The following EHMT2 variants were observed in gnomAD, a reference collection of about 807,000 sequenced individuals.
The protein encoded by EHMT2 is euchromatic histone lysine methyltransferase 2, also known as histone-lysine N-methyltransferase EHMT2.
Under a neutral mutation model 143.3 loss-of-function variants are expected in EHMT2, and 59 were observed. The observed-to-expected ratio is 0.41, with a 90% CI of 0.33 to 0.51. The LOEUF is 0.51. Ranked by LOEUF, EHMT2 falls within the 20% of genes least tolerant of loss-of-function variation. EHMT2 has a pLI of 0.18. For missense variants in EHMT2, 1,174 were observed against 1,645.9 expected (o/e 0.71, Z 4.96); for synonymous variants, 604 against 651.5 (o/e 0.93, Z 1.11).
At chr6:31,892,508 C>T in exon 7 of EHMT2, 1 of 1,612,986 alleles carries the variant, frequency 6.2e-7, no homozygotes, top group Non-Finnish European at 8.5e-7. Flanking sequence ...GACCCGGGGT[C>T]CCCTTTCGTC....
At chr6:31,891,702 A>G (rs1409254425) in intron 7 of EHMT2, among the ~76,000 whole-genome samples, 1 of 152,236 alleles carries the variant, frequency 6.6e-6, no homozygotes, top group African/African-American at 2.4e-5. Context: ...TATAAGATAA[A>G]ACCAGACAAA....
intron 7 of EHMT2, among the ~76,000 whole-genome samples, chr6:31,892,099 G>A (rs1459153949): frequency 3.9e-5 from 6 of 152,052 alleles, no homozygotes; most frequent in Admixed American, 6.6e-5. Context: ...AAAATTAGCC[G>A]GGCGTGGTGG....
exon 1 of EHMT2, chr6:31,897,684 T>C (rs1423880643): frequency 1.8e-6 from 2 of 1,112,696 alleles, no homozygotes; most frequent in African/African-American, 1.6e-5. Flanking sequence ...CCATCGCCGC[T>C]TGCGCTGGGG....
At chr6:31,886,461 A>G in intron 18 of EHMT2, 120 bp downstream of exon 18, 2 of 742,306 alleles carry the variant, frequency 2.7e-6, no homozygotes, top group Non-Finnish European at 4.5e-6. Context: ...GAAGAAAGCA[A>G]TGAGGACAGA....
chr6:31,886,673 C>A (rs745424549), exon 18 of EHMT2: 1 of 1,613,850 alleles, frequency 6.2e-7, no homozygotes, highest in African/African-American at 1.3e-5. Flanking sequence ...CAGGTGGAAC[C>A]GTCCTCCTCC....
In EHMT2 at chr6:31,880,855, CA is replaced by C; in HGVS notation, c.3277-8del. On this transcript the variant is annotated splice_polypyrimidine_tract_variant and splice_region_variant and intron_variant, in intron 26 of 27. Coordinates refer to ENST00000375537, the Ensembl canonical transcript of EHMT2. This position sits in a 1 kb window ranked among gnomAD's most constrained non-coding sequence, Gnocchi z 6.6. Reference sequence around the variant, plus strand: ...TGCAGTACACCTCTCCATCCTGGGGCAGGGGGATGGCACTCTTCACATCTCC... The same window carrying C: ...TGCAGTACACCTCTCCATCCTGGGGCGGGGGATGGCACTCTTCACATCTCC... 1 of 1,613,444 alleles carries C rather than the reference CA, an allele frequency of 6.2e-7. No individual in the cohort carries two copies. The highest frequency in any genetic ancestry group is 8.5e-7 in the Non-Finnish European group (1 of 1,179,874).
rs747118255 is a variant in EHMT2 at position 31,888,335 on chromosome 6, C to G, written c.1509+28G>C. 1 of 1,611,622 alleles carries G rather than the reference C, an allele frequency of 6.2e-7. No individual in the cohort carries two copies. Among genetic ancestry groups the G allele is most frequent in the Non-Finnish European group, 8.5e-7 (1 of 1,179,284 alleles). The stretch of plus-strand genomic sequence containing the variant: ...GGGGCCCCCTCTGCCACAGGGCATG[C>G]TACCTGTCTGCCCCACTGGTCACTC... On this transcript the variant is annotated intron_variant, in intron 12 of 27. Transcript: ENST00000375537. The surrounding 1 kb of genome is among the most constrained non-coding windows in gnomAD (Gnocchi z 7.4).
In EHMT2 at chr6:31,884,275, G is replaced by T; in HGVS notation, c.2771+117C>A. The T allele has an allele frequency of 7.9e-7, 1 of 1,260,594 alleles. No homozygotes were observed. Among genetic ancestry groups the T allele is most frequent in the East Asian group, 2.4e-5 (1 of 41,224 alleles). 78.1% of individuals were successfully genotyped at this position (1,260,594 alleles called of 1,614,324 possible). ...GGGAGGGGGCCTGTGGGTGGTTCTG[G>T]GGATTCAGTGGTGCATGGGGAGGGG... On this transcript the variant is annotated intron_variant, in intron 21 of 27. Transcript: ENST00000375537. This position sits in a 1 kb window ranked among gnomAD's most constrained non-coding sequence, Gnocchi z 7.3.
chr6:31,880,110 C>T lies in EHMT2; in HGVS notation c.3607G>A (p.Gly1203Ser), dbSNP rs563892777. 74 of 1,612,776 alleles carry T rather than the reference C, an allele frequency of 4.6e-5. No homozygotes were observed. In the Admixed American group the frequency reaches 7.0e-4, roughly 15 times the overall value. ...CATGTGTTGACAGGGGGCAGGGAGC[C>T]GAGCTCGGGCAGCAGCTCAGGGTGT... is the stretch of plus-strand genomic sequence containing the variant. Residue 1203 changes from glycine (G) to serine (S), a missense_variant, in exon 28 of 28, where the codon GGC becomes AGC. Coordinates refer to ENST00000375537, the Ensembl canonical transcript of EHMT2. The surrounding 1 kb of genome is among the most constrained non-coding windows in gnomAD (Gnocchi z 6.6).
At chr6:31,890,349 T>C (rs551670288) in intron 7 of EHMT2, among the ~76,000 whole-genome samples, 3 of 152,096 alleles carry the variant, frequency 2.0e-5, no homozygotes, top group African/African-American at 7.2e-5. Context: ...CTCCACCTCC[T>C]GGATTCAAGC....
rs145442809 is a variant in EHMT2 at position 31,884,432 on chromosome 6, C to G, written c.2731G>C (p.Val911Leu). The G allele has an allele frequency of 6.2e-7, 1 of 1,612,670 alleles. No individual in the cohort carries two copies. The highest frequency in any genetic ancestry group is 8.5e-7 in the Non-Finnish European group (1 of 1,180,004). The change falls in exon 21 of 28, where the codon GTG becomes CTG. Residue 911 changes from valine (V) to leucine (L), a missense_variant. Physicochemically the swap from Val to Leu is conservative, Grantham distance 32 (BLOSUM62 1). Transcript: ENST00000375537. The surrounding 1 kb of genome is among the most constrained non-coding windows in gnomAD (Gnocchi z 7.3). ...TCTGTGCGGATGGCCCGATTTCCCA[C>G]CCCAAGTCGGAGCTTGCGGTTGAGT...
In EHMT2 at chr6:31,888,485, T is replaced by C; in HGVS notation, c.1387A>G (p.Ile463Val). 6.2e-7 allele frequency: 1 copy of C among 1,612,758 alleles called. No homozygotes were observed. Among genetic ancestry groups the C allele is most frequent in the Non-Finnish European group, 8.5e-7 (1 of 1,179,770 alleles). Reference sequence around the variant, plus strand: ...GGCCTCATGGTCTCCCGCTTGAGGATGGCGGCATTGCAGCCTGACAGCTGT... The same window carrying C: ...GGCCTCATGGTCTCCCGCTTGAGGACGGCGGCATTGCAGCCTGACAGCTGT... The change falls in exon 12 of 28, where the codon ATC becomes GTC. Residue 463 changes from isoleucine to valine, a missense_variant. Physicochemically the swap from Ile to Val is conservative, Grantham distance 29. This residue lies in a region of EHMT2 where 608 missense variants were observed against 903.7 expected (regional missense o/e 0.67). Coordinates refer to ENST00000375537, the Ensembl canonical transcript of EHMT2. This position sits in a 1 kb window ranked among gnomAD's most constrained non-coding sequence, Gnocchi z 7.4.
At position 31,888,049 on chromosome 6, in the gene EHMT2, A is replaced by C. The variant is rs1023135083; in HGVS notation, c.1737T>G (p.Ser579=). 3.2e-6 allele frequency: 5 copies of C among 1,582,702 alleles called. No homozygotes were observed. The African/African-American group carries it at 5.5e-5, about 17-fold the overall frequency. ...AAGGGGGAGGCCAGTACCTGGGCTG[A>C]GAAGTGTCTGCTCTCCCGGGGACAT... The change falls in exon 13 of 28, where the codon TCT becomes TCG. Residue 579 remains serine (S), a synonymous_variant. Coordinates refer to ENST00000375537, the Ensembl canonical transcript of EHMT2. This position sits in a 1 kb window ranked among gnomAD's most constrained non-coding sequence, Gnocchi z 7.4.
chr6:31,885,135 T>C (rs1764662190), intron 18 of EHMT2, 119 bp from the exon 19 acceptor site: 2 of 1,343,590 alleles, frequency 1.5e-6, no homozygotes, highest in Non-Finnish European at 2.0e-6. Flanking sequence ...TGTGGGACCC[T>C]GGGTAAGTCA....
chr6:31,889,667 A>G lies in EHMT2; in HGVS notation c.865-65T>C, dbSNP rs1039470360. 1.9e-6 allele frequency: 3 copies of G among 1,594,908 alleles called. No individual in the cohort carries two copies. In the Admixed American group the frequency reaches 5.1e-5, roughly 27 times the overall value. ...CTCAGACAATGAGGTGAGTAAAGAA[A>G]ACCACCACCACCATTGCCCCCCGCC... is the stretch of plus-strand genomic sequence containing the variant. On this transcript the variant is annotated intron_variant, in intron 7 of 27. Transcript: ENST00000375537. This position sits in a 1 kb window ranked among gnomAD's most constrained non-coding sequence, Gnocchi z 5.1.
At chr6:31,879,969 G>T in exon 28 of EHMT2, 1 of 1,183,520 alleles carries the variant, frequency 8.4e-7, no homozygotes, top group East Asian at 2.5e-5. Flanking sequence ...TGTGTGAAAG[G>T]GTGGTGGGGA....
intron 4 of EHMT2, 163 bp downstream of exon 4, chr6:31,896,100 C>T (rs1411645939): frequency 1.1e-6 from 1 of 948,340 alleles, no homozygotes; most frequent in Non-Finnish European, 1.5e-6. Flanking sequence ...AGAGAGGAAC[C>T]TGTCTGTTGG....
At chr6:31,894,978 T>C (rs1766191830) in intron 4 of EHMT2, among the ~76,000 whole-genome samples, 1 of 152,250 alleles carries the variant, frequency 6.6e-6, no homozygotes, top group Non-Finnish European at 1.5e-5. Flanking sequence ...ATGTTATTAT[T>C]GTTGTTAATC....
At position 31,888,225 on chromosome 6, in the gene EHMT2, T is replaced by C. The variant is rs1765158770; in HGVS notation, c.1561A>G (p.Lys521Glu). The stretch of plus-strand genomic sequence containing the variant: ...CCATTCAGCTGAGACACACAGGCCT[T>C]GTGGAAGCGGTGGGCCACACGGAAG... Residue 521 changes from lysine (K) to glutamate (E), a missense_variant, in exon 13 of 28, where the codon AAG becomes GAG. Coordinates refer to ENST00000375537, the Ensembl canonical transcript of EHMT2. This position sits in a 1 kb window ranked among gnomAD's most constrained non-coding sequence, Gnocchi z 7.4. 1 of 1,612,910 alleles carries C rather than the reference T, an allele frequency of 6.2e-7. No homozygotes were observed. Among genetic ancestry groups the C allele is most frequent in the Non-Finnish European group, 8.5e-7 (1 of 1,179,964 alleles).
Sources: allele counts gnomAD v4.1 joint callset (sites outside exome capture counted in the v4.1 genomes callset), GRCh38; gene constraint gnomAD v4.1.1; regional missense constraint gnomAD v4.1.1; non-coding constraint Gnocchi (gnomAD v3.1); transcripts MANE v1.5; gene names NCBI Gene and HGNC (gene_info 2026-07-23, HGNC 2026-07-21).